WDR37: variants seen among roughly 807,000 people sequenced by gnomAD.
WDR37 encodes the protein WD repeat-containing protein 37.
WDR37 carries 19 observed loss-of-function variants against 62.9 expected under a neutral mutation model. The observed-to-expected ratio is 0.30, with a 90% CI of 0.21 to 0.44. The LOEUF (loss-of-function observed/expected upper bound fraction) is 0.44. WDR37 is among the 20% of genes least tolerant of loss of function. The pLI, the probability that WDR37 is intolerant of heterozygous loss-of-function variation, is 1.00. For missense variants in WDR37, 474 were observed against 657.6 expected (o/e 0.72, Z 3.05); for synonymous variants, 250 against 260.9 (o/e 0.96, Z 0.40).
chr10:1,069,389 A>ATTTTTTTTTTTTTTTTTTTTTTTTTTTT (rs377212232), intron 1 of WDR37, among the ~76,000 whole-genome samples: 2 of 95,806 alleles, frequency 2.1e-5, no homozygotes, highest in Non-Finnish European at 1.9e-5. Context: ...ATATATATAT[A>ATTTTTTTTTTTTTTTTTTTTTTTTTTTT]TTTTTTTTTT....
intron 1 of WDR37, among the ~76,000 whole-genome samples, chr10:1,064,474 C>CA (rs1479430496): frequency 6.7e-6 from 1 of 149,938 alleles, no homozygotes; most frequent in African/African-American, 2.5e-5. Context: ...AAGATAAACA[C>CA]AAAGATGCTA....
At chr10:1,069,389 A>ATATATATATATATATATATATATATTTT in intron 1 of WDR37, among the ~76,000 whole-genome samples, 1 of 95,806 alleles carries the variant, frequency 1.0e-5, no homozygotes, top group African/African-American at 4.7e-5. Context: ...ATATATATAT[A>ATATATATATATATATATATATATATTTT]TTTTTTTTTT....
intron 11 of WDR37, among the ~76,000 whole-genome samples, chr10:1,106,846 AT>A (rs2131666255): frequency 6.6e-6 from 1 of 152,280 alleles, no homozygotes; most frequent in South Asian, 2.1e-4. Flanking sequence ...GAAGCTTGAG[AT>A]TGGAAAGCTA....
intron 6 of WDR37, among the ~76,000 whole-genome samples, chr10:1,085,491 C>G (rs943034878): frequency 2.2e-4 from 34 of 152,094 alleles, no homozygotes; most frequent in African/African-American, 8.0e-4. Context: ...TTTGTTTTCT[C>G]TAAAAAAAGA....
In WDR37 at chr10:1,097,923, C is replaced by T. The variant is rs765324903; in HGVS notation, c.726+1677C>T. Among the ~76,000 whole-genome samples the T allele has an allele frequency of 4.6e-5, 7 of 152,286 alleles. No individual in the cohort carries two copies. In the South Asian group the frequency reaches 6.2e-4, roughly 14 times the overall value. ...GAGCTCAGCTTCAGGGTGGGCGAATCGCACTCTGAGTCCCACCCAGTCCTG... is the reference window on the plus strand; with the variant it reads ...GAGCTCAGCTTCAGGGTGGGCGAATTGCACTCTGAGTCCCACCCAGTCCTG... On this transcript the variant is annotated intron_variant, in intron 9 of 13. Transcript: ENST00000263150.
At position 1,067,859 on chromosome 10, in the gene WDR37, A is replaced by G. The variant is rs57412563; in HGVS notation, c.-40-4257A>G. Reference sequence around the variant, plus strand: ...ACTAGATAAATAAAATGTGGTGCGCACACACACACACACTCTGCAATACCA... The same window carrying G: ...ACTAGATAAATAAAATGTGGTGCGCGCACACACACACACTCTGCAATACCA... On this transcript the variant is annotated intron_variant, in intron 1 of 13. Coordinates refer to ENST00000263150, the MANE Select transcript of WDR37 (RefSeq NM_014023.4). 4.8e-3 allele frequency among the ~76,000 whole-genome samples: 735 copies of G among 151,910 alleles called. 7 individuals carry two copies. Among genetic ancestry groups the G allele is most frequent in the African/African-American group, 0.016 (654 of 41,480 alleles).
chr10:1,105,952 GT>G lies in WDR37; in HGVS notation c.1103+691del, dbSNP rs1279668339. Among the ~76,000 whole-genome samples the G allele has an allele frequency of 6.6e-6, 1 of 151,944 alleles. No individual in the cohort carries two copies. The highest frequency in any genetic ancestry group is 1.5e-5 in the Non-Finnish European group (1 of 67,962). Reference sequence around the variant, plus strand: ...AGGCACCTGCCACCACGCCTGGCTAGTTTTTTGTATTTTTAGTAGAGATGGG... The same window carrying G: ...AGGCACCTGCCACCACGCCTGGCTAGTTTTTGTATTTTTAGTAGAGATGGG... On this transcript the variant is annotated intron_variant, in intron 11 of 13. Coordinates refer to ENST00000263150, the MANE Select transcript of WDR37 (RefSeq NM_014023.4). The surrounding 1 kb of genome is among the most constrained non-coding windows in gnomAD (Gnocchi z 5.3).
intron 1 of WDR37, among the ~76,000 whole-genome samples, chr10:1,058,040 A>G (rs962349462): frequency 9.7e-6 from 1 of 102,636 alleles, no homozygotes; most frequent in African/African-American, 3.2e-5. Flanking sequence ...GAGTCTTTCA[A>G]AATAGCTTTT....
At chr10:1,108,616 A>G (rs1229485941) in intron 11 of WDR37, among the ~76,000 whole-genome samples, 1 of 151,796 alleles carries the variant, frequency 6.6e-6, no homozygotes, top group Non-Finnish European at 1.5e-5. Flanking sequence ...GGATCTTTGT[A>G]CTTCTGTCTA....
chr10:1,059,715 T>C lies in WDR37; in HGVS notation c.-41+2747T>C, dbSNP rs766343242. On this transcript the variant is annotated intron_variant, in intron 1 of 13. Coordinates refer to ENST00000263150, the MANE Select transcript of WDR37 (RefSeq NM_014023.4). ...CAGGAGGCTGAGGCAGAGAATTGGT[T>C]GAACCCGGGAGGTGGAGGTTGCAGT... 3.3e-5 allele frequency among the ~76,000 whole-genome samples: 5 copies of C among 152,026 alleles called. No homozygotes were observed. In the East Asian group the frequency reaches 9.8e-4, roughly 30 times the overall value.
rs1835921960 is a variant in WDR37 at position 1,130,179 on chromosome 10, T to G, written c.*835T>G. ...GAGGCCGCCTGCACACAGAGCCCAG[T>G]TAATTCTCCGCACCTCGGTTGTGTG... On this transcript the variant is annotated 3_prime_UTR_variant, in exon 14 of 14. Transcript: ENST00000263150. 6.6e-6 allele frequency: 1 copy of G among 152,652 alleles called. No individual in the cohort carries two copies. The highest frequency in any genetic ancestry group is 2.1e-4 in the South Asian group (1 of 4,830). 9.5% of individuals were successfully genotyped at this position (152,652 alleles called of 1,614,324 possible). A position where few individuals can be genotyped will look rare whatever the true frequency, so the allele number is the denominator to read the frequency against.
At chr10:1,102,202 T>TGC (rs58930578) in intron 9 of WDR37, among the ~76,000 whole-genome samples, 1 of 134,144 alleles carries the variant, frequency 7.5e-6, no homozygotes, top group African/African-American at 2.8e-5. Context: ...CCATGTGACG[T>TGC]GTTGCCGTGC....
intron 1 of WDR37, among the ~76,000 whole-genome samples, chr10:1,062,409 C>T (rs1444155921): frequency 1.3e-5 from 2 of 152,128 alleles, no homozygotes; most frequent in East Asian, 3.8e-4. Flanking sequence ...TTTTTGGTAA[C>T]GAACTTGTAG....
intron 7 of WDR37, among the ~76,000 whole-genome samples, chr10:1,087,789 G>A (rs567204961): frequency 6.6e-6 from 1 of 152,212 alleles, no homozygotes; most frequent in Non-Finnish European, 1.5e-5. Context: ...GTCACCAGCC[G>A]CATTCGCCCC....
Position 1,130,855 on chromosome 10 carries a change from C to T in WDR37, c.*1511C>T, listed in dbSNP as rs1009834580. On this transcript the variant is annotated 3_prime_UTR_variant, in exon 14 of 14. Transcript: ENST00000263150. Reference sequence around the variant, plus strand: ...AGAGGCACCTCCCTACTTGGGTCTTCAGGAGCTGGTCCAAGGAGCTTCGAA... The same window carrying T: ...AGAGGCACCTCCCTACTTGGGTCTTTAGGAGCTGGTCCAAGGAGCTTCGAA... 2 of 149,560 alleles carry T rather than the reference C, an allele frequency of 1.3e-5. No individual in the cohort carries two copies. Among genetic ancestry groups the T allele is most frequent in the African/African-American group, 2.5e-5 (1 of 39,432 alleles). The allele number at this position is 149,560 out of a possible 1,614,324, so 9.3% of individuals were successfully genotyped here.
intron 11 of WDR37, among the ~76,000 whole-genome samples, chr10:1,117,382 C>T (rs1487935759): frequency 2.6e-5 from 4 of 152,168 alleles, no homozygotes; most frequent in Admixed American, 2.6e-4. Context: ...AAGTCGCTTC[C>T]AAGTTAGAAT....
intron 11 of WDR37, among the ~76,000 whole-genome samples, chr10:1,108,815 A>T (rs776525576): frequency 5.4e-5 from 8 of 148,308 alleles, no homozygotes; most frequent in Non-Finnish European, 1.0e-4. Context: ...GGCTGGGAAG[A>T]CCCAGCAGCT....
intron 2 of WDR37, among the ~76,000 whole-genome samples, chr10:1,075,441 CG>C (rs1833850151): frequency 7.0e-6 from 1 of 143,550 alleles, no homozygotes. Flanking sequence ...AGCCCCCCAA[CG>C]CCCCGACAGG....
chr10:1,105,087 C>T lies in WDR37; in HGVS notation c.962-39C>T. 1 of 1,609,624 alleles carries T rather than the reference C, an allele frequency of 6.2e-7. No homozygotes were observed. The highest frequency in any genetic ancestry group is 8.5e-7 in the Non-Finnish European group (1 of 1,176,352). On this transcript the variant is annotated intron_variant, in intron 10 of 13. Transcript: ENST00000263150. This position sits in a 1 kb window ranked among gnomAD's most constrained non-coding sequence, Gnocchi z 5.3. Reference sequence around the variant, plus strand: ...GAAAAGCGTCTCTCTCAGCGTGCTCCTCAGGTGATGACCTTGTGTTTTGCC... The same window carrying T: ...GAAAAGCGTCTCTCTCAGCGTGCTCTTCAGGTGATGACCTTGTGTTTTGCC...
Sources: allele counts gnomAD v4.1 joint callset (sites outside exome capture counted in the v4.1 genomes callset), GRCh38; gene constraint gnomAD v4.1.1; non-coding constraint Gnocchi (gnomAD v3.1); transcripts MANE v1.5; gene names NCBI Gene and HGNC (gene_info 2026-07-23, HGNC 2026-07-21).